The following DISP3 variants were observed in gnomAD, a reference collection of about 807,000 sequenced individuals.
DISP3 encodes the protein dispatched RND transporter family member 3.
In DISP3, 101 loss-of-function variants were observed where a neutral mutation model predicts 135.3. The ratio of observed to expected loss-of-function variants is 0.75; its 90% confidence interval spans 0.64 to 0.88. DISP3 has a LOEUF of 0.88. Among genes scored for constraint, DISP3 ranks in the 40% least tolerant of loss-of-function variants. DISP3 has a pLI of 0.00. For missense variants in DISP3, 1,713 were observed against 1,878.6 expected, an observed-to-expected ratio of 0.91 and a Z score of 1.63; for synonymous variants, 856 against 817.0, an observed-to-expected ratio of 1.05 and a Z score of -0.81.
chr1:11,480,307 C>G (rs1322902224), intron 1 of DISP3, among the ~76,000 whole-genome samples: 2 of 152,160 alleles, frequency 1.3e-5, no homozygotes, highest in South Asian at 4.1e-4. Context: ...CAGAAGCCCG[C>G]GCACACCCAC....
Position 11,519,707 on chromosome 1 carries a change from C to T in DISP3, c.2039-12C>T. The T allele has an allele frequency of 6.2e-7, 1 of 1,611,154 alleles. No individual in the cohort carries two copies. The highest frequency in any genetic ancestry group is 1.3e-5 in the African/African-American group (1 of 75,040). On this transcript the variant is annotated splice_polypyrimidine_tract_variant and intron_variant, in intron 8 of 20. Coordinates refer to ENST00000294484, the MANE Select transcript of DISP3 (RefSeq NM_020780.2). The surrounding 1 kb of genome is among the most constrained non-coding windows in gnomAD (Gnocchi z 4.3). ...ATTCAGGCTCTGACGGGCCACTGCTCTGCCCTGGCAGTGTCACTGGAGCTG... is the reference window on the plus strand; with the variant it reads ...ATTCAGGCTCTGACGGGCCACTGCTTTGCCCTGGCAGTGTCACTGGAGCTG...
chr1:11,511,750 G>A (rs1442483666), intron 3 of DISP3, among the ~76,000 whole-genome samples: 1 of 152,178 alleles, frequency 6.6e-6, no homozygotes, highest in Non-Finnish European at 1.5e-5. Context: ...GACTCTGTGT[G>A]GGGACTCTGA....
intron 3 of DISP3, among the ~76,000 whole-genome samples, chr1:11,507,639 A>C (rs1292444907): frequency 1.3e-5 from 2 of 152,234 alleles, no homozygotes; most frequent in Non-Finnish European, 2.9e-5. Context: ...GTAGAAGGGC[A>C]GCTTACCTTT....
Position 11,514,376 on chromosome 1 carries a change from C to A in DISP3, c.1317-14C>A. On this transcript the variant is annotated splice_polypyrimidine_tract_variant and intron_variant, in intron 3 of 20. Coordinates refer to ENST00000294484, the MANE Select transcript of DISP3 (RefSeq NM_020780.2). ...TTCCTGTCATTCTTTTCTCCACGTC[C>A]TCCCTTCCCCCAGCAAAGTCCAGGT... 1 of 1,603,452 alleles carries A rather than the reference C, an allele frequency of 6.2e-7. No individual in the cohort carries two copies. Among genetic ancestry groups the A allele is most frequent in the Non-Finnish European group, 8.5e-7 (1 of 1,170,472 alleles).
chr1:11,487,547 G>A (rs1038592001), intron 1 of DISP3, among the ~76,000 whole-genome samples: 4 of 152,196 alleles, frequency 2.6e-5, no homozygotes, highest in African/African-American at 4.8e-5. Flanking sequence ...CATCATTCCC[G>A]CTGTCACCAG....
chr1:11,519,412 C>T lies in DISP3; in HGVS notation c.1947C>T (p.Ala649=), dbSNP rs372925671. The part of the protein sequence containing the change: ...TSLHFPGDVF[A]APEQVGGSPA... ...TGCACTTCCCCGGAGACGTGTTTGC[C>T]GCTCCCGAGCAGGTTGGAGGCAGCC... is the stretch of plus-strand genomic sequence containing the variant. The change falls in exon 8 of 21, where the codon GCC becomes GCT. Residue 649 remains alanine (A), a synonymous_variant. Coordinates refer to ENST00000294484, the MANE Select transcript of DISP3 (RefSeq NM_020780.2). The surrounding 1 kb of genome is among the most constrained non-coding windows in gnomAD (Gnocchi z 4.3). 16 of 1,613,720 alleles carry T rather than the reference C, an allele frequency of 9.9e-6. No individual in the cohort carries two copies. In the African/African-American group the frequency reaches 1.1e-4, roughly 11 times the overall value.
rs1641447173 is a variant in DISP3 at position 11,499,717 on chromosome 1, A to C, written c.-3-1273A>C. Among the ~76,000 whole-genome samples, 2 of 139,076 alleles carry C rather than the reference A, an allele frequency of 1.4e-5. No individual in the cohort carries two copies. The highest frequency in any genetic ancestry group is 2.9e-5 in the African/African-American group (1 of 34,278). 91.2% of individuals were successfully genotyped at this position (139,076 alleles called of 152,430 possible). On this transcript the variant is annotated intron_variant, in intron 1 of 20. Coordinates refer to ENST00000294484, the MANE Select transcript of DISP3 (RefSeq NM_020780.2). The surrounding 1 kb of genome is among the most constrained non-coding windows in gnomAD (Gnocchi z 5.2). Reference sequence around the variant, plus strand: ...TCTCTCCCTCATCCCCCACCATTCCACTCTCCCTTCGGTCTCTCTCCTCTT... The same window carrying C: ...TCTCTCCCTCATCCCCCACCATTCCCCTCTCCCTTCGGTCTCTCTCCTCTT...
rs375385184 is a variant in DISP3, at chr1:11,502,691, G to T, written c.1110G>T (p.Leu370=). The T allele has an allele frequency of 6.2e-7, 1 of 1,613,886 alleles. No homozygotes were observed. Among genetic ancestry groups the T allele is most frequent in the Non-Finnish European group, 8.5e-7 (1 of 1,179,976 alleles). The change falls in exon 3 of 21, where the codon CTG becomes CTT. Residue 370 remains leucine, a synonymous_variant. Transcript: ENST00000294484. ...CTGTCCTTGCAGGCTCCCTGGAGCT[G>T]GCCATGACTCACCCTGAGTTCTACT... is the stretch of plus-strand genomic sequence containing the variant. The part of the protein sequence containing the change: ...DLADIRGSLE[L]AMTHPEFYWY...
chr1:11,482,516 A>C (rs1032046547), intron 1 of DISP3, among the ~76,000 whole-genome samples: 5 of 152,196 alleles, frequency 3.3e-5, no homozygotes, highest in Non-Finnish European at 7.3e-5. Flanking sequence ...CCTAAGGGCC[A>C]TCAGTCAGCC....
chr1:11,503,893 G>A (rs1641626190), intron 3 of DISP3, among the ~76,000 whole-genome samples: 1 of 152,176 alleles, frequency 6.6e-6, no homozygotes, highest in African/African-American at 2.4e-5. Context: ...TAAGAGATGA[G>A]CTAACAGATG....
intron 3 of DISP3, among the ~76,000 whole-genome samples, chr1:11,504,511 C>G (rs772092227): frequency 7.9e-5 from 12 of 152,178 alleles, no homozygotes; most frequent in Non-Finnish European, 1.6e-4. Context: ...TGCTTTGTCC[C>G]CCGCAAAACT....
chr1:11,513,418 C>T (rs1641913333), intron 3 of DISP3, among the ~76,000 whole-genome samples: 1 of 152,010 alleles, frequency 6.6e-6, no homozygotes, highest in Non-Finnish European at 1.5e-5. Context: ...GTATAGAATC[C>T]TGGGCTGACT....
At chr1:11,521,382 G>A (rs1367594229) in intron 10 of DISP3, among the ~76,000 whole-genome samples, 2 of 123,782 alleles carry the variant, frequency 1.6e-5, no homozygotes, top group Non-Finnish European at 3.4e-5. Context: ...GAGGAGAGAA[G>A]GGGTGGGGTT....
At chr1:11,509,836 C>A (rs1214358191) in intron 3 of DISP3, among the ~76,000 whole-genome samples, 3 of 152,132 alleles carry the variant, frequency 2.0e-5, no homozygotes, top group Non-Finnish European at 4.4e-5. Context: ...CCAGGTGGCT[C>A]ACGCCTGTAA....
chr1:11,508,829 T>C (rs1016513670), intron 3 of DISP3, among the ~76,000 whole-genome samples: 7 of 152,210 alleles, frequency 4.6e-5, no homozygotes, highest in African/African-American at 7.2e-5. Context: ...AATTAACTTA[T>C]TATTGACTGT....
In DISP3 at chr1:11,536,479, C is replaced by A; in HGVS notation, c.3972C>A (p.Leu1324=). The A allele has an allele frequency of 6.2e-7, 1 of 1,613,560 alleles. No individual in the cohort carries two copies. The highest frequency in any genetic ancestry group is 8.5e-7 in the Non-Finnish European group (1 of 1,179,932). ...PFAKFGKIVA[L]NTGVSILYTL... ...CCAAGTTCGGCAAGATTGTGGCACT[C>A]AACACGGGCGTGTCCATCCTCTACA... is the stretch of plus-strand genomic sequence containing the variant. Residue 1324 remains leucine (L), a synonymous_variant, in exon 21 of 21, where the codon CTC becomes CTA. Transcript: ENST00000294484. The surrounding 1 kb of genome is among the most constrained non-coding windows in gnomAD (Gnocchi z 4.3).
intron 12 of DISP3, 53 bp downstream of exon 12, chr1:11,525,365 C>T: frequency 6.3e-7 from 1 of 1,576,640 alleles, no homozygotes; most frequent in South Asian, 1.1e-5. Flanking sequence ...TGGTGGGGGG[C>T]TCTCAGGGCC....
intron 1 of DISP3, among the ~76,000 whole-genome samples, chr1:11,494,996 G>A (rs145218624): frequency 1.3e-5 from 2 of 152,208 alleles, no homozygotes; most frequent in South Asian, 2.1e-4. Flanking sequence ...GCCTGGGGGT[G>A]TTTTTGAGGC....
chr1:11,525,357 G>A (rs1307842499), intron 12 of DISP3, 45 bp downstream of exon 12: 2 of 1,587,986 alleles, frequency 1.3e-6, no homozygotes, highest in South Asian at 2.2e-5. Context: ...ACTGTGGGTG[G>A]TGGGGGGCTC....
Sources: allele counts gnomAD v4.1 joint callset (sites outside exome capture counted in the v4.1 genomes callset), GRCh38; gene constraint gnomAD v4.1.1; non-coding constraint Gnocchi (gnomAD v3.1); transcripts MANE v1.5; gene names NCBI Gene and HGNC (gene_info 2026-07-23, HGNC 2026-07-21).